The following STAT3 variants were observed in gnomAD, a reference collection of about 807,000 sequenced individuals.
STAT3 encodes the protein DNA-binding protein APRF.
STAT3 carries 7 observed loss-of-function variants against 114.3 expected under a neutral mutation model. The ratio of observed to expected loss-of-function variants is 0.06; its 90% CI spans 0.03 to 0.11. The LOEUF (loss-of-function observed/expected upper bound fraction) is 0.11. STAT3 is among the 10% of genes least tolerant of loss of function. The pLI, the probability that STAT3 is intolerant of heterozygous loss-of-function variation, is 1.00. For synonymous variants in STAT3, 331 were observed against 354.5 expected (o/e 0.93, Z 0.74); for missense variants, 364 against 960.9 (o/e 0.38, Z 8.21).
chr17:42,332,085 G>T lies in STAT3; in HGVS notation c.1050-554C>A, dbSNP rs546260388. ...TGGGATTACAGGCGCGCGCCACCACGCTCAGCTAATTTTGTATTTTTAGTA... is the reference window on the plus strand; with the variant it reads ...TGGGATTACAGGCGCGCGCCACCACTCTCAGCTAATTTTGTATTTTTAGTA... On this transcript the variant is annotated intron_variant, in intron 10 of 23. Coordinates refer to ENST00000264657, the MANE Select transcript of STAT3 (RefSeq NM_139276.3). Among the ~76,000 whole-genome samples the T allele has an allele frequency of 6.5e-3, 981 of 151,634 alleles. 13 individuals carry two copies. Among genetic ancestry groups the T allele is most frequent in the African/African-American group, 0.022 (929 of 41,368 alleles).
In STAT3 at chr17:42,333,600, C is replaced by T. The variant is rs1331516417; in HGVS notation, c.1049+73G>A. 4.5e-6 allele frequency: 7 copies of T among 1,558,686 alleles called. No homozygotes were observed. Among genetic ancestry groups the T allele is most frequent in the Non-Finnish European group, 5.3e-6 (6 of 1,132,870 alleles). ...CACACCTGGAAAGAATGACCCTGGC[C>T]ACCAACTCTACCCTCACCCTAACAG... On this transcript the variant is annotated intron_variant, in intron 10 of 23. Coordinates refer to ENST00000264657, the MANE Select transcript of STAT3 (RefSeq NM_139276.3). The surrounding 1 kb of genome is among the most constrained non-coding windows in gnomAD (Gnocchi z 5.2).
intron 1 of STAT3, chr17:42,386,820 C>T (rs2085130324): frequency 6.6e-6 from 1 of 152,188 alleles, no homozygotes; most frequent in Non-Finnish European, 1.5e-5. Flanking sequence ...AAGGCTCCAA[C>T]CTCTAAAACA....
chr17:42,339,064 C>G (rs2082332668), intron 5 of STAT3, among the ~76,000 whole-genome samples: 1 of 151,878 alleles, frequency 6.6e-6, no homozygotes, highest in Non-Finnish European at 1.5e-5. Context: ...TCAGCCTGGA[C>G]AACACAGGGA....
At chr17:42,370,944 T>G (rs2084089066) in intron 1 of STAT3, among the ~76,000 whole-genome samples, 1 of 152,096 alleles carries the variant, frequency 6.6e-6, no homozygotes, top group Non-Finnish European at 1.5e-5. Flanking sequence ...TATTTCTAGG[T>G]GTTTTGTACA....
intron 1 of STAT3, among the ~76,000 whole-genome samples, chr17:42,380,041 T>G (rs1421835717): frequency 6.6e-6 from 1 of 152,122 alleles, no homozygotes; most frequent in Non-Finnish European, 1.5e-5. Flanking sequence ...CAGTTTTTTG[T>G]TTTTTGTTTT....
At chr17:42,349,850 A>G (rs2082860866) in intron 1 of STAT3, among the ~76,000 whole-genome samples, 1 of 152,354 alleles carries the variant, frequency 6.6e-6, no homozygotes, top group Admixed American at 6.5e-5. Flanking sequence ...TGAGGTCGGG[A>G]GTTTGAGACC....
rs1471859658 is a variant in STAT3 at position 42,329,421 on chromosome 17, C to T, written c.1270G>A (p.Ala424Thr). The T allele has an allele frequency of 6.2e-7, 1 of 1,614,078 alleles. No homozygotes were observed. The highest frequency in any genetic ancestry group is 1.7e-5 in the Admixed American group (1 of 60,026). The change falls in exon 14 of 24, where the codon GCC (alanine) becomes ACC (threonine). Residue 424 changes from alanine to threonine, a missense_variant. Ala to Thr is a moderately conservative substitution (Grantham distance 58). Around this residue, in one of 5 missense-constraint regions of STAT3, gnomAD observed 294 missense variants for 745.1 expected, o/e 0.39. Transcript: ENST00000264657. Reference sequence around the variant, plus strand: ...CCAACAAAACTTACATCACAATTGGCTCGGCCCCCATTCCCACATCTCTGC... The same window carrying T: ...CCAACAAAACTTACATCACAATTGGTTCGGCCCCCATTCCCACATCTCTGC... ...REQRCGNGGR[A>T]NCDASLIVTE...
At chr17:42,321,446 A>AGT (rs766565383) in intron 21 of STAT3, among the ~76,000 whole-genome samples, 3 of 152,126 alleles carry the variant, frequency 2.0e-5, no homozygotes, top group Non-Finnish European at 4.4e-5. Flanking sequence ...TATATAACAT[A>AGT]TAAGTACATG....
At chr17:42,355,996 T>C (rs2083207859) in intron 1 of STAT3, among the ~76,000 whole-genome samples, 1 of 152,146 alleles carries the variant, frequency 6.6e-6, no homozygotes, top group Admixed American at 6.6e-5. Context: ...GTCATGACAT[T>C]TTCCTTTGGG....
At position 42,333,533 on chromosome 17, in the gene STAT3, G is replaced by A. The variant is rs2082109026; in HGVS notation, c.1049+140C>T. On this transcript the variant is annotated intron_variant, in intron 10 of 23. Transcript: ENST00000264657. This position sits in a 1 kb window ranked among gnomAD's most constrained non-coding sequence, Gnocchi z 5.2. ...AATCAGAGAGCAAGCAGATAGTATG[G>A]CAACAAATTTCAACCCCGCAACAGT... The A allele has an allele frequency of 2.1e-6, 2 of 939,996 alleles. No homozygotes were observed. The highest frequency in any genetic ancestry group is 5.3e-5 in the East Asian group (2 of 37,936). 58.2% of individuals were successfully genotyped at this position (939,996 alleles called of 1,614,324 possible). A position where few individuals can be genotyped will look rare whatever the true frequency, so the allele number is the denominator to read the frequency against.
intron 11 of STAT3, among the ~76,000 whole-genome samples, chr17:42,330,577 C>T (rs574514527): frequency 7.3e-5 from 11 of 151,678 alleles, no homozygotes; most frequent in Non-Finnish European, 1.0e-4. Flanking sequence ...TACAGGTGCC[C>T]GCCACCACGC....
intron 8 of STAT3, among the ~76,000 whole-genome samples, chr17:42,335,473 G>A (rs1034939963): frequency 7.2e-5 from 11 of 152,180 alleles, no homozygotes; most frequent in Non-Finnish European, 1.3e-4. Flanking sequence ...ATTTACAGGC[G>A]TGAGCCACAA....
intron 1 of STAT3, among the ~76,000 whole-genome samples, chr17:42,359,171 G>A (rs550155960): frequency 6.6e-6 from 1 of 151,896 alleles, no homozygotes; most frequent in African/African-American, 2.4e-5. Context: ...ACCTGACCTC[G>A]TGATCTGCCC....
At chr17:42,323,425 C>T (rs2081567236) in intron 18 of STAT3, 71 bp from the exon 19 acceptor site, 2 of 1,577,966 alleles carry the variant, frequency 1.3e-6, no homozygotes, top group Non-Finnish European at 1.7e-6. Flanking sequence ...GGGTGCAGTG[C>T]ATCACCCAAA....
chr17:42,316,235 A>G (rs1244516291), intron 23 of STAT3: 1 of 423,290 alleles, frequency 2.4e-6, no homozygotes, highest in African/African-American at 2.1e-5. Context: ...TTTTCTTTTT[A>G]GTTTAGTTTT....
In STAT3 at chr17:42,313,940, TAACA is replaced by T. The variant is rs1332868828; in HGVS notation, c.*1801_*1804del. On this transcript the variant is annotated 3_prime_UTR_variant, in exon 24 of 24. Transcript: ENST00000264657. ...AATTCAGAGACCAGCTAATTTGATT[TAACA>T]AACAGAATTCCACAGAAACTCTGAT... 1 of 231,642 alleles carries T rather than the reference TAACA, an allele frequency of 4.3e-6. No individual in the cohort carries two copies. The allele number at this position is 231,642 out of a possible 1,614,324, so 14.3% of individuals were successfully genotyped here.
Position 42,315,616 on chromosome 17 carries a change from G to A in STAT3, c.*129C>T, listed in dbSNP as rs867310417. 2.4e-5 allele frequency: 22 copies of A among 907,980 alleles called. No individual in the cohort carries two copies. In the Middle Eastern group the frequency reaches 1.8e-3, roughly 75 times the overall value. 56.2% of individuals were successfully genotyped at this position (907,980 alleles called of 1,614,324 possible). On this transcript the variant is annotated 3_prime_UTR_variant, in exon 24 of 24. Transcript: ENST00000264657. ...GATTGCTCAAAGATAGCAGAAGTAG[G>A]AGATTAAAAAAAATCTGGAACCACA...
At chr17:42,370,671 A>C (rs936678399) in intron 1 of STAT3, among the ~76,000 whole-genome samples, 2 of 150,868 alleles carry the variant, frequency 1.3e-5, no homozygotes, top group African/African-American at 4.9e-5. Context: ...TCTGTCACCC[A>C]GGCTGAAGTG....
chr17:42,339,678 G>A (rs1267753301), intron 4 of STAT3, among the ~76,000 whole-genome samples: 2 of 152,134 alleles, frequency 1.3e-5, no homozygotes, highest in African/African-American at 4.8e-5. Flanking sequence ...GGGCAAGTAT[G>A]TCAAAAAATT....
Sources: allele counts gnomAD v4.1 joint callset (sites outside exome capture counted in the v4.1 genomes callset), GRCh38; gene constraint gnomAD v4.1.1; regional missense constraint gnomAD v4.1.1; non-coding constraint Gnocchi (gnomAD v3.1); transcripts MANE v1.5; gene names NCBI Gene and HGNC (gene_info 2026-07-23, HGNC 2026-07-21).